The following FSIP1 variants were observed in gnomAD, a reference collection of about 807,000 sequenced individuals.
The protein encoded by FSIP1 is fibrous sheath-interacting protein 1.
FSIP1 carries 65 observed loss-of-function variants against 60.9 expected under a neutral mutation model. The observed-to-expected ratio is 1.07, with a 90% CI of 0.87 to 1.31. FSIP1 has a LOEUF of 1.31. Among genes scored for constraint, FSIP1 ranks in the 40% most tolerant of loss-of-function variants. The pLI, the probability that FSIP1 is intolerant of heterozygous loss-of-function variation, is 0.00. For missense variants in FSIP1, 675 were observed against 665.5 expected, an observed-to-expected ratio of 1.01 and a Z score of -0.16; for synonymous variants, 209 against 221.2, an observed-to-expected ratio of 0.94 and a Z score of 0.49.
chr15:39,741,967 T>A (rs1394622271), intron 5 of FSIP1, 67 bp from the exon 6 acceptor site: 12 of 859,652 alleles, frequency 1.4e-5, no homozygotes, highest in Non-Finnish European at 2.3e-5. Context: ...TACAAAATTG[T>A]TTTAAAAAGA....
intron 5 of FSIP1, among the ~76,000 whole-genome samples, chr15:39,762,761 A>C (rs1285648440): frequency 6.6e-6 from 1 of 152,196 alleles, no homozygotes; most frequent in Non-Finnish European, 1.5e-5. Context: ...TAATATATCA[A>C]TCAAAGTTGT....
intron 8 of FSIP1, among the ~76,000 whole-genome samples, chr15:39,734,248 T>G (rs1450599491): frequency 3.3e-5 from 5 of 152,138 alleles, no homozygotes. Flanking sequence ...ACACAAACAC[T>G]CAAAAATTAT....
chr15:39,611,798 C>A (rs1016464179), intron 11 of FSIP1, among the ~76,000 whole-genome samples: 1 of 152,114 alleles, frequency 6.6e-6, no homozygotes, highest in African/African-American at 2.4e-5. Flanking sequence ...TAAGAAAATA[C>A]ATGGACAAAG....
intron 9 of FSIP1, among the ~76,000 whole-genome samples, chr15:39,721,436 T>C (rs7172138): frequency 0.12 from 18,116 of 152,306 alleles, 1,324 homozygotes; most frequent in African/African-American, 0.2. Flanking sequence ...ACTTTTCATC[T>C]GATCAGTGCC....
At chr15:39,718,189 C>A (rs1479424961) in intron 9 of FSIP1, among the ~76,000 whole-genome samples, 1 of 151,882 alleles carries the variant, frequency 6.6e-6, no homozygotes, top group African/African-American at 2.4e-5. Flanking sequence ...TGTTTCTTGT[C>A]AAAAACTCTA....
chr15:39,687,436 G>T (rs1169360535), intron 10 of FSIP1, among the ~76,000 whole-genome samples: 3 of 152,144 alleles, frequency 2.0e-5, no homozygotes, highest in Non-Finnish European at 4.4e-5. Flanking sequence ...TTACAGGCGT[G>T]AGCCACCGCA....
chr15:39,654,653 G>A (rs1458121276), intron 10 of FSIP1, among the ~76,000 whole-genome samples: 3 of 152,218 alleles, frequency 2.0e-5, no homozygotes, highest in Admixed American at 6.5e-5. Context: ...TATTCTCTCA[G>A]ATATAACACG....
chr15:39,779,472 A>T (rs967176833), intron 1 of FSIP1, among the ~76,000 whole-genome samples: 1 of 152,206 alleles, frequency 6.6e-6, no homozygotes, highest in Non-Finnish European at 1.5e-5. Flanking sequence ...TCTAGAATGT[A>T]CTAAAAGGTA....
At chr15:39,672,428 A>G (rs1429623570) in intron 10 of FSIP1, among the ~76,000 whole-genome samples, 1 of 152,204 alleles carries the variant, frequency 6.6e-6, no homozygotes, top group African/African-American at 2.4e-5. Context: ...CCTTCTCTCC[A>G]GGAATAGTAC....
At chr15:39,749,701 A>G (rs1469377548) in intron 5 of FSIP1, among the ~76,000 whole-genome samples, 1 of 152,056 alleles carries the variant, frequency 6.6e-6, no homozygotes, top group Admixed American at 6.6e-5. Context: ...CACAGTTAAC[A>G]TCATAACCAA....
intron 10 of FSIP1, among the ~76,000 whole-genome samples, chr15:39,694,775 G>C (rs1894745464): frequency 6.6e-6 from 1 of 151,846 alleles, no homozygotes; most frequent in African/African-American, 2.4e-5. Context: ...ACTCCAGCCA[G>C]TGAGACTCCG....
At chr15:39,715,096 C>G (rs942666244) in intron 9 of FSIP1, among the ~76,000 whole-genome samples, 1 of 152,148 alleles carries the variant, frequency 6.6e-6, no homozygotes, top group East Asian at 1.9e-4. Flanking sequence ...CTACCAGTCA[C>G]CCTGTTGATT....
chr15:39,684,904 A>G (rs933597444), intron 10 of FSIP1, among the ~76,000 whole-genome samples: 16 of 152,174 alleles, frequency 1.1e-4, no homozygotes, highest in African/African-American at 3.9e-4. Context: ...ATAGAGGGTC[A>G]AGTAACTTCT....
chr15:39,714,972 CAAA>C (rs34491210), intron 9 of FSIP1, among the ~76,000 whole-genome samples: 4 of 89,544 alleles, frequency 4.5e-5, no homozygotes, highest in Non-Finnish European at 2.0e-5. Flanking sequence ...GACTCTGTCT[CAAA>C]AAAAAAAAAA....
At chr15:39,725,186 G>A (rs969684447) in intron 9 of FSIP1, among the ~76,000 whole-genome samples, 2 of 152,162 alleles carry the variant, frequency 1.3e-5, no homozygotes, top group Non-Finnish European at 2.9e-5. Flanking sequence ...AGCCGAGATC[G>A]CGCCACTGAA....
rs185392999 is a variant in FSIP1, at chr15:39,695,628, G to A, written c.1188+17816C>T. On this transcript the variant is annotated intron_variant, in intron 10 of 11. Coordinates refer to ENST00000350221, the MANE Select transcript of FSIP1 (RefSeq NM_152597.5). The stretch of plus-strand genomic sequence containing the variant: ...GACTTCCCACACTATGCAAATTCCT[G>A]CTTTTTGACAGATAGTTAAATCTTA... 3.5e-3 allele frequency among the ~76,000 whole-genome samples: 531 copies of A among 152,182 alleles called. 3 individuals are homozygous for A. Among genetic ancestry groups the A allele is most frequent in the African/African-American group, 0.012 (507 of 41,530 alleles).
At chr15:39,631,195 A>C (rs146101069) in intron 10 of FSIP1, among the ~76,000 whole-genome samples, 1 of 152,108 alleles carries the variant, frequency 6.6e-6, no homozygotes, top group South Asian at 2.1e-4. Flanking sequence ...GTGACATCGC[A>C]CCCCTAAAAA....
At chr15:39,738,998 G>A (rs574221732) in intron 7 of FSIP1, among the ~76,000 whole-genome samples, 1 of 152,280 alleles carries the variant, frequency 6.6e-6, no homozygotes, top group African/African-American at 2.4e-5. Context: ...TCTGCTCAAG[G>A]GTGTGCAGAG....
intron 10 of FSIP1, among the ~76,000 whole-genome samples, chr15:39,671,391 T>G (rs1409391605): frequency 6.6e-6 from 1 of 152,194 alleles, no homozygotes; most frequent in Non-Finnish European, 1.5e-5. Context: ...CTTTTTATGT[T>G]GATTTTTTTT....
Sources: allele counts gnomAD v4.1 joint callset (sites outside exome capture counted in the v4.1 genomes callset), GRCh38; gene constraint gnomAD v4.1.1; transcripts MANE v1.5; gene names NCBI Gene and HGNC (gene_info 2026-07-23, HGNC 2026-07-21).